The following SUGCT variants were observed in gnomAD, a reference collection of about 807,000 sequenced individuals.
The protein encoded by SUGCT is succinyl-CoA:glutarate-CoA transferase, also known as succinyl-CoA:glutarate CoA-transferase.
A neutral mutation model predicts 55.0 loss-of-function variants in SUGCT; 41 were observed. That is an observed-to-expected ratio of 0.74 (90% CI 0.58 to 0.97). The LOEUF is 0.97. Among genes scored for constraint, SUGCT ranks in the 50% least tolerant of loss-of-function variants. The pLI, the probability that SUGCT is intolerant of heterozygous loss-of-function variation, is 0.00. For missense variants in SUGCT, 568 were observed against 547.8 expected (o/e 1.04, Z -0.37); for synonymous variants, 187 against 200.4 (o/e 0.93, Z 0.56).
At chr7:40,348,737 T>G (rs1056336746) in intron 9 of SUGCT, among the ~76,000 whole-genome samples, 4 of 152,212 alleles carry the variant, frequency 2.6e-5, no homozygotes, top group Non-Finnish European at 5.9e-5. Flanking sequence ...GTTTTTAGAT[T>G]TGTCCTGCAT....
intron 12 of SUGCT, among the ~76,000 whole-genome samples, chr7:40,718,738 A>G (rs1413543025): frequency 6.6e-6 from 1 of 152,224 alleles, no homozygotes; most frequent in Non-Finnish European, 1.5e-5. Context: ...CAGAAAAAGC[A>G]CTTTTAATAT....
At chr7:40,631,327 C>G (rs1799779702) in intron 12 of SUGCT, among the ~76,000 whole-genome samples, 1 of 152,110 alleles carries the variant, frequency 6.6e-6, no homozygotes, top group Admixed American at 6.5e-5. Context: ...CTAAGCTTGG[C>G]TGTGTATGGA....
chr7:41,002,454 C>T, the SUGCT span, among the ~76,000 whole-genome samples: 3 of 152,130 alleles, frequency 2.0e-5, no homozygotes, highest in South Asian at 2.1e-4. Flanking sequence ...AGCCATCAGC[C>T]GAGGGTGAGA....
In SUGCT at chr7:40,776,092, G is replaced by A. The variant is rs551725641; in HGVS notation, c.1153+26595G>A. 5.3e-5 allele frequency among the ~76,000 whole-genome samples: 8 copies of A among 152,264 alleles called. No homozygotes were observed. In the East Asian group the frequency reaches 1.4e-3, roughly 26 times the overall value. ...TGCAGTTTGCAGTGAGGTGCCCAGC[G>A]GTTGTCCCCATCCTGCCGCTGTGAA... is the stretch of plus-strand genomic sequence containing the variant. On this transcript the variant is annotated intron_variant, in intron 13 of 13. Coordinates refer to ENST00000335693, the MANE Select transcript of SUGCT (RefSeq NM_001193313.2).
At chr7:40,290,847 A>G (rs982676021) in intron 8 of SUGCT, among the ~76,000 whole-genome samples, 6 of 152,236 alleles carry the variant, frequency 3.9e-5, no homozygotes, top group African/African-American at 1.2e-4. Context: ...TGGGTGAAGG[A>G]TATGAACAGA....
chr7:40,812,260 G>A (rs185384569), intron 13 of SUGCT, among the ~76,000 whole-genome samples: 9 of 151,960 alleles, frequency 5.9e-5, no homozygotes, highest in Non-Finnish European at 7.4e-5. Context: ...TGGGACCACA[G>A]TCATTGATTT....
chr7:40,831,405 T>A (rs1792657565), intron 13 of SUGCT, among the ~76,000 whole-genome samples: 1 of 152,120 alleles, frequency 6.6e-6, no homozygotes, highest in Non-Finnish European at 1.5e-5. Flanking sequence ...GAAAACAGGT[T>A]AGGTTGGAGA....
the SUGCT span, among the ~76,000 whole-genome samples, chr7:40,930,718 T>C: frequency 0.011 from 1,622 of 152,362 alleles, 13 homozygotes; most frequent in Non-Finnish European, 0.017. Flanking sequence ...TTTGGCTCTC[T>C]GTTTGTCTGT....
chr7:40,460,077 C>T (rs1306495010), intron 11 of SUGCT, among the ~76,000 whole-genome samples: 1 of 152,074 alleles, frequency 6.6e-6, no homozygotes, highest in Non-Finnish European at 1.5e-5. Context: ...TCAAGTGTTT[C>T]TATGTAGTAT....
chr7:40,205,544 G>A (rs1305181487), intron 6 of SUGCT, among the ~76,000 whole-genome samples: 2 of 150,424 alleles, frequency 1.3e-5, no homozygotes, highest in East Asian at 3.9e-4. Flanking sequence ...GGGAGGCTGA[G>A]GCGGGAGAAT....
At chr7:40,242,340 AT>A (rs535037507) in intron 7 of SUGCT, among the ~76,000 whole-genome samples, 2 of 151,138 alleles carry the variant, frequency 1.3e-5, no homozygotes, top group African/African-American at 4.9e-5. Context: ...TGCCTGGCTA[AT>A]TTTTTTTGTA....
chr7:40,810,862 C>A (rs1361435088), intron 13 of SUGCT, among the ~76,000 whole-genome samples: 1 of 152,032 alleles, frequency 6.6e-6, no homozygotes, highest in Non-Finnish European at 1.5e-5. Flanking sequence ...AATGGCATTT[C>A]CTGTTTTCTT....
At chr7:40,425,864 TTA>T (rs1787560440) in intron 9 of SUGCT, among the ~76,000 whole-genome samples, 1 of 152,166 alleles carries the variant, frequency 6.6e-6, no homozygotes, top group Non-Finnish European at 1.5e-5. Flanking sequence ...CAATTGCACC[TTA>T]GTTCCAGGGA....
At position 40,860,535 on chromosome 7, in the gene SUGCT, C is replaced by A. The variant is rs1794452008; in HGVS notation, c.*56C>A. 6.5e-7 allele frequency: 1 copy of A among 1,544,478 alleles called. No individual in the cohort carries two copies. Among genetic ancestry groups the A allele is most frequent in the Non-Finnish European group, 8.8e-7 (1 of 1,139,656 alleles). On this transcript the variant is annotated 3_prime_UTR_variant, in exon 14 of 14. Coordinates refer to ENST00000335693, the MANE Select transcript of SUGCT (RefSeq NM_001193313.2). ...GATCCGAATACACTGGCAAAGGCAA[C>A]ACTTTGCTTGGACCCTTCTCCCCAG...
At chr7:40,585,238 AGTC>A (rs1797313257) in intron 12 of SUGCT, among the ~76,000 whole-genome samples, 1 of 152,168 alleles carries the variant, frequency 6.6e-6, no homozygotes, top group Non-Finnish European at 1.5e-5. Context: ...TCAGACAGTG[AGTC>A]ATAACCTTGT....
intron 13 of SUGCT, among the ~76,000 whole-genome samples, chr7:40,850,982 T>G (rs1793821893): frequency 6.6e-6 from 1 of 152,186 alleles, no homozygotes; most frequent in African/African-American, 2.4e-5. Context: ...TTCTCAGGGA[T>G]TCATAAGAAG....
intron 12 of SUGCT, among the ~76,000 whole-genome samples, chr7:40,667,615 C>A (rs1476790267): frequency 6.8e-6 from 1 of 146,290 alleles, no homozygotes; most frequent in Non-Finnish European, 1.5e-5. Flanking sequence ...ATTACGAATT[C>A]AGTTTCAGAA....
chr7:40,362,049 G>A (rs542878523), intron 9 of SUGCT, among the ~76,000 whole-genome samples: 9 of 152,060 alleles, frequency 5.9e-5, no homozygotes, highest in African/African-American at 1.7e-4. Context: ...CACGTAGGCT[G>A]CCAAGGAGTT....
intron 8 of SUGCT, among the ~76,000 whole-genome samples, chr7:40,298,471 G>T (rs1794316687): frequency 6.6e-6 from 1 of 152,150 alleles, no homozygotes; most frequent in Non-Finnish European, 1.5e-5. Context: ...TAGGACCTTG[G>T]AAGTGGTTTT....
Sources: gnomAD v4.1 joint callset for allele counts (sites outside exome capture counted in the v4.1 genomes callset) on GRCh38, gnomAD v4.1.1 for gene constraint, MANE v1.5 for transcripts, NCBI Gene and HGNC (gene_info 2026-07-23, HGNC 2026-07-21) for gene names.